The following DRC9 variants were observed in gnomAD, a reference collection of about 807,000 sequenced individuals.
DRC9 encodes dynein regulatory complex subunit 9.
the DRC9 span, chr3:197,951,543 G>C: frequency 1.4e-4 from 70 of 503,878 alleles, no homozygotes; most frequent in African/African-American, 1.3e-3. Context: ...AGTAGAGACA[G>C]GGTATTGCCA....
At chr3:197,925,531 C>T in the DRC9 span, among the ~76,000 whole-genome samples, 7 of 151,230 alleles carry the variant, frequency 4.6e-5, no homozygotes, top group South Asian at 1.3e-3. Context: ...GCTCTATATT[C>T]CAGACACACC....
At chr3:197,906,347 T>C in the DRC9 span, 1 of 152,046 alleles carries the variant, frequency 6.6e-6, no homozygotes, top group African/African-American at 2.4e-5. Flanking sequence ...AATTTAAAGA[T>C]GACTCAAATC....
At chr3:197,920,260 T>A in the DRC9 span, among the ~76,000 whole-genome samples, 1 of 151,920 alleles carries the variant, frequency 6.6e-6, no homozygotes, top group Non-Finnish European at 1.5e-5. Flanking sequence ...TGTCTATGAC[T>A]TAGAATACCG....
At chr3:197,890,419 G>T in the DRC9 span, among the ~76,000 whole-genome samples, 4 of 146,908 alleles carry the variant, frequency 2.7e-5, no homozygotes, top group East Asian at 8.0e-4. Flanking sequence ...AAAAAAAAAA[G>T]AAAAGCACAG....
chr3:197,925,745 G>A, the DRC9 span, among the ~76,000 whole-genome samples: 1 of 151,900 alleles, frequency 6.6e-6, no homozygotes, highest in African/African-American at 2.4e-5. Flanking sequence ...CACCATACCC[G>A]GCTAATTTTT....
chr3:197,896,526 A>G, the DRC9 span, among the ~76,000 whole-genome samples: 1 of 152,236 alleles, frequency 6.6e-6, no homozygotes, highest in Non-Finnish European at 1.5e-5. Context: ...AATAAAAGTA[A>G]GCTGGGGTAA....
chr3:197,926,162 A>C, the DRC9 span: 2 of 916,898 alleles, frequency 2.2e-6, no homozygotes, highest in African/African-American at 3.2e-5. Context: ...ACTTACGTGC[A>C]CAAGGACCAC....
chr3:197,892,909 G>T, the DRC9 span: 1 of 971,414 alleles, frequency 1.0e-6, no homozygotes, highest in Non-Finnish European at 1.5e-6. Context: ...TGGAGAGTTG[G>T]ATTTCTGATT....
the DRC9 span, among the ~76,000 whole-genome samples, chr3:197,914,817 C>G: frequency 1.3e-5 from 2 of 152,082 alleles, no homozygotes; most frequent in Admixed American, 1.3e-4. Flanking sequence ...AGGACTCTCT[C>G]GGGAAAGCGA....
the DRC9 span, among the ~76,000 whole-genome samples, chr3:197,954,884 C>T: frequency 7.9e-5 from 12 of 152,264 alleles, no homozygotes; most frequent in African/African-American, 1.9e-4. Flanking sequence ...TCAACAGTTA[C>T]GCCTGGCATA....
the DRC9 span, among the ~76,000 whole-genome samples, chr3:197,915,341 T>C: frequency 6.7e-6 from 1 of 149,996 alleles, no homozygotes; most frequent in Non-Finnish European, 1.5e-5. Context: ...TCTAGCCTAG[T>C]GAGGGTTGAG....
At chr3:197,922,525 G>T in the DRC9 span, among the ~76,000 whole-genome samples, 1 of 152,032 alleles carries the variant, frequency 6.6e-6, no homozygotes, top group African/African-American at 2.4e-5. Context: ...GGCCAATATG[G>T]TGAAACCCCA....
the DRC9 span, among the ~76,000 whole-genome samples, chr3:197,954,964 C>G: frequency 6.6e-6 from 1 of 152,170 alleles, no homozygotes; most frequent in Admixed American, 6.6e-5. Context: ...TTATTTTGTA[C>G]ATGAAGAAAA....
chr3:197,899,791 A>T, the DRC9 span, among the ~76,000 whole-genome samples: 1 of 152,266 alleles, frequency 6.6e-6, no homozygotes, highest in African/African-American at 2.4e-5. Flanking sequence ...TGTACAAAAA[A>T]GCACCTTCAT....
chr3:197,889,863 C>T, the DRC9 span: 2 of 851,962 alleles, frequency 2.3e-6, no homozygotes, highest in Admixed American at 4.4e-5. Flanking sequence ...GTAATCACTT[C>T]AGCGATGCTC....
At chr3:197,938,252 G>A in the DRC9 span, among the ~76,000 whole-genome samples, 43 of 151,602 alleles carry the variant, frequency 2.8e-4, 1 homozygote, top group Non-Finnish European at 1.5e-5. Context: ...GGGAGGCGGA[G>A]GCTGCACTGC....
At chr3:197,952,906 C>T in the DRC9 span, among the ~76,000 whole-genome samples, 12 of 151,304 alleles carry the variant, frequency 7.9e-5, no homozygotes, top group Non-Finnish European at 7.4e-5. Context: ...GATCTCAGCT[C>T]ACTGCAACCT....
the DRC9 span, chr3:197,960,057 C>G: frequency 1.3e-5 from 8 of 619,774 alleles, no homozygotes; most frequent in Non-Finnish European, 2.2e-5. Flanking sequence ...GCCGGCTTCG[C>G]GCCACGAGAC....
chr3:197,941,111 T>C, the DRC9 span, among the ~76,000 whole-genome samples: 9 of 152,086 alleles, frequency 5.9e-5, no homozygotes, highest in African/African-American at 2.2e-4. Context: ...ACTGAATGCC[T>C]TCCCATTTGT....
Sources: allele counts gnomAD v4.1 joint callset (sites outside exome capture counted in the v4.1 genomes callset), GRCh38; gene constraint gnomAD v4.1.1; transcripts MANE v1.5; gene names NCBI Gene and HGNC (gene_info 2026-07-23, HGNC 2026-07-21).